LRCH1: variants seen among roughly 807,000 people sequenced by gnomAD.
LRCH1 encodes leucine rich repeats and calponin homology domain containing 1.
LRCH1 carries 23 observed loss-of-function variants against 94.9 expected under a neutral mutation model. The observed-to-expected ratio is 0.24, with a 90% CI of 0.17 to 0.34. The LOEUF (loss-of-function observed/expected upper bound fraction) is 0.34. Ranked by LOEUF, LRCH1 falls within the 10% of genes least tolerant of loss-of-function variation. The probability of loss-of-function intolerance (pLI) is 1.00; values close to 1 mark genes in which losing one functional copy is unlikely to be tolerated. For missense variants in LRCH1, 790 were observed against 945.9 expected (o/e 0.84, Z 2.16); for synonymous variants, 364 against 354.9 (o/e 1.03, Z -0.29).
At chr13:46,625,514 C>T (rs900387923) in intron 1 of LRCH1, among the ~76,000 whole-genome samples, 1 of 152,002 alleles carries the variant, frequency 6.6e-6, no homozygotes, top group Non-Finnish European at 1.5e-5. Flanking sequence ...TGTGAGAAAA[C>T]ATCTGTGAAG....
intron 1 of LRCH1, among the ~76,000 whole-genome samples, chr13:46,569,322 C>A (rs1479778043): frequency 6.6e-6 from 1 of 152,180 alleles, no homozygotes; most frequent in Non-Finnish European, 1.5e-5. Flanking sequence ...TAATAGGTAT[C>A]ATTTCCCTTA....
intron 1 of LRCH1, among the ~76,000 whole-genome samples, chr13:46,602,982 A>ACATACATGCATG (rs911563025): frequency 2.2e-5 from 1 of 45,124 alleles, no homozygotes; most frequent in Non-Finnish European, 5.8e-5. Flanking sequence ...ATGCATGCAT[A>ACATACATGCATG]CATACATACA....
chr13:46,628,063 C>T (rs1245996790), intron 1 of LRCH1, among the ~76,000 whole-genome samples: 2 of 152,012 alleles, frequency 1.3e-5, no homozygotes, highest in African/African-American at 2.4e-5. Flanking sequence ...AAGTTGGGAC[C>T]AACCACTCTA....
In LRCH1 at chr13:46,647,794, C is replaced by CT. The variant is rs10718141; in HGVS notation, c.308-2390dup. Among the ~76,000 whole-genome samples the CT allele has an allele frequency of 6.3e-3, 795 of 126,842 alleles. 6 individuals carry two copies. Among genetic ancestry groups the CT allele is most frequent in the African/African-American group, 0.018 (634 of 34,440 alleles). The allele number at this position is 126,842 out of a possible 152,430, so 83.2% of individuals were successfully genotyped here. On this transcript the variant is annotated intron_variant, in intron 1 of 19. Coordinates refer to ENST00000389797, the MANE Select transcript of LRCH1 (RefSeq NM_001164211.2). Reference sequence around the variant, plus strand: ...TAAAAGGTGCGAGATAGGTAGTCATCTTTTTTTTTTTTTTTTTCGTTGTAA... The same window carrying CT: ...TAAAAGGTGCGAGATAGGTAGTCATCTTTTTTTTTTTTTTTTTTCGTTGTAA...
chr13:46,562,604 G>A (rs1313625916), intron 1 of LRCH1, among the ~76,000 whole-genome samples: 1 of 152,186 alleles, frequency 6.6e-6, no homozygotes, highest in East Asian at 1.9e-4. Flanking sequence ...GGTGCTAGGG[G>A]TTAGTGCTTC....
At chr13:46,693,317 A>G (rs1178043410) in intron 8 of LRCH1, among the ~76,000 whole-genome samples, 1 of 152,190 alleles carries the variant, frequency 6.6e-6, no homozygotes, top group African/African-American at 2.4e-5. Flanking sequence ...TAAGGACCCA[A>G]GCTCCTTTCA....
Position 46,742,098 on chromosome 13 carries a change from C to A in LRCH1, c.*250C>A. ...CTGCAAAGTGTATGCACACCGCATG[C>A]TTCCTCATCCACATAGTGCCAGCAG... On this transcript the variant is annotated 3_prime_UTR_variant, in exon 20 of 20. Coordinates refer to ENST00000389797, the MANE Select transcript of LRCH1 (RefSeq NM_001164211.2). The A allele has an allele frequency of 1.5e-6, 2 of 1,336,850 alleles. No homozygotes were observed. Among genetic ancestry groups the A allele is most frequent in the Non-Finnish European group, 1.9e-6 (2 of 1,041,182 alleles). The allele number at this position is 1,336,850 out of a possible 1,614,324, so 82.8% of individuals were successfully genotyped here.
At chr13:46,601,653 A>G (rs2050630100) in intron 1 of LRCH1, among the ~76,000 whole-genome samples, 1 of 152,226 alleles carries the variant, frequency 6.6e-6, no homozygotes, top group Non-Finnish European at 1.5e-5. Context: ...GAATTAGGTT[A>G]ATAAGACTAA....
chr13:46,695,902 A>G (rs765512517), intron 9 of LRCH1, among the ~76,000 whole-genome samples: 5 of 152,188 alleles, frequency 3.3e-5, no homozygotes, highest in Non-Finnish European at 7.3e-5. Flanking sequence ...TGCTCAGGAC[A>G]TGTTTATGGC....
rs180881498 is a variant in LRCH1, at chr13:46,563,365, T to C, written c.307+9662T>C. Among the ~76,000 whole-genome samples, 592 of 152,246 alleles carry C rather than the reference T, an allele frequency of 3.9e-3. 4 individuals carry two copies. The highest frequency in any genetic ancestry group is 0.026 in the South Asian group (126 of 4,820). On this transcript the variant is annotated intron_variant, in intron 1 of 19. Transcript: ENST00000389797. The stretch of plus-strand genomic sequence containing the variant: ...AATTTCTTCCTTTTTTTTTTAAGTA[T>C]AGCTTAGTGATTAAAAATAGGGTTT...
downstream of LRCH1, among the ~76,000 whole-genome samples, chr13:46,749,253 G>A (rs534917550): frequency 6.1e-4 from 93 of 152,312 alleles, 1 homozygote; most frequent in African/African-American, 2.1e-3. Flanking sequence ...GATGAACCTA[G>A]ACGATATTAT....
At chr13:46,673,008 AC>A (rs1215022793) in intron 3 of LRCH1, among the ~76,000 whole-genome samples, 1 of 152,256 alleles carries the variant, frequency 6.6e-6, no homozygotes, top group Middle Eastern at 3.2e-3. Flanking sequence ...ACTGGTAGAT[AC>A]ATAGCCAAGT....
At chr13:46,676,689 A>ACGTG (rs1461775696) in intron 3 of LRCH1, among the ~76,000 whole-genome samples, 1 of 152,200 alleles carries the variant, frequency 6.6e-6, no homozygotes, top group African/African-American at 2.4e-5. Flanking sequence ...ACGTGTACAA[A>ACGTG]TACTACCTGC....
At position 46,712,550 on chromosome 13, in the gene LRCH1, C is replaced by G; in HGVS notation, c.1607C>G (p.Ser536Cys). The G allele has an allele frequency of 6.2e-7, 1 of 1,613,964 alleles. No individual in the cohort carries two copies. Among genetic ancestry groups the G allele is most frequent in the Non-Finnish European group, 8.5e-7 (1 of 1,179,838 alleles). The change falls in exon 15 of 20, where the codon TCT becomes TGT. Residue 536 changes from serine to cysteine, a missense_variant. Ser to Cys is a moderately radical substitution (Grantham distance 112). Around this residue, in one of 3 missense-constraint regions of LRCH1, gnomAD observed 460 missense variants for 508.9 expected, o/e 0.90. Transcript: ENST00000389797. ...ATTAGAGAGAACTCCCCTGCAGTCT[C>G]TCCTACCACAAACAGCACAGCTCCA... Reference protein sequence around the residue: ...NEIRENSPAVSPTTNSTAPFG... With the variant: ...NEIRENSPAVCPTTNSTAPFG...
At chr13:46,730,453 C>T (rs1246139238) in intron 18 of LRCH1, among the ~76,000 whole-genome samples, 2 of 152,316 alleles carry the variant, frequency 1.3e-5, no homozygotes, top group Non-Finnish European at 2.9e-5. Flanking sequence ...CGCCCTCTCC[C>T]ATCCCCAGGA....
chr13:46,750,657 C>T (rs1183514537), exon 19 of LRCH1: 1 of 1,535,952 alleles, frequency 6.5e-7, no homozygotes, highest in Admixed American at 2.0e-5. Context: ...ATGAAACTAC[C>T]CCTTCTCCAT....
In LRCH1 at chr13:46,728,877, C is replaced by T. The variant is rs773771000; in HGVS notation, c.1900C>T (p.His634Tyr). 8.7e-6 allele frequency: 14 copies of T among 1,612,468 alleles called. No individual in the cohort carries two copies. The highest frequency in any genetic ancestry group is 1.2e-5 in the Non-Finnish European group (14 of 1,179,124). ...SIEMRLKVSL[H>Y]EDLGAALMDG... is the part of the protein sequence containing the mutation. Reference sequence around the variant, plus strand: ...TGAGATGAGATTGAAGGTCAGTCTACACGAAGACCTGGGGGCAGCCCTCAT... The same window carrying T: ...TGAGATGAGATTGAAGGTCAGTCTATACGAAGACCTGGGGGCAGCCCTCAT... Residue 634 changes from histidine (H) to tyrosine (Y), a missense_variant, in exon 18 of 20, where the codon CAC becomes TAC. Coordinates refer to ENST00000389797, the MANE Select transcript of LRCH1 (RefSeq NM_001164211.2).
At chr13:46,700,758 A>T (rs1871421599) in intron 10 of LRCH1, among the ~76,000 whole-genome samples, 1 of 152,224 alleles carries the variant, frequency 6.6e-6, no homozygotes, top group Non-Finnish European at 1.5e-5. Flanking sequence ...GCCCAGAAGT[A>T]GTACAGACTC....
At chr13:46,707,323 T>G (rs1871815712) in intron 13 of LRCH1, among the ~76,000 whole-genome samples, 1 of 152,250 alleles carries the variant, frequency 6.6e-6, no homozygotes, top group African/African-American at 2.4e-5. Flanking sequence ...TTTGAACTTC[T>G]GCATTCTGAT....
Sources: allele counts gnomAD v4.1 joint callset (sites outside exome capture counted in the v4.1 genomes callset), GRCh38; gene constraint gnomAD v4.1.1; regional missense constraint gnomAD v4.1.1; transcripts MANE v1.5; gene names NCBI Gene and HGNC (gene_info 2026-07-23, HGNC 2026-07-21).